Variants in MYH10 observed in about 807,000 individuals in gnomAD.
MYH10 encodes myosin-10.
A neutral mutation model predicts 257.8 loss-of-function variants in MYH10; 55 were observed. The observed-to-expected ratio is 0.21, with a 90% CI of 0.17 to 0.27. The LOEUF is 0.27. Ranked by LOEUF, MYH10 falls within the 10% of genes least tolerant of loss-of-function variation. MYH10 has a pLI of 1.00. For missense variants in MYH10, 1,631 were observed against 2,500.6 expected (o/e 0.65, Z 7.42); for synonymous variants, 854 against 921.7 (o/e 0.93, Z 1.33).
chr17:8,495,910 C>T (rs1916531149), intron 30 of MYH10, among the ~76,000 whole-genome samples: 1 of 152,040 alleles, frequency 6.6e-6, no homozygotes, highest in South Asian at 2.1e-4. Context: ...GGGGTTTCAC[C>T]ATGTTGGCCA....
chr17:8,618,940 G>A (rs2152102604), intron 2 of MYH10, among the ~76,000 whole-genome samples: 1 of 152,256 alleles, frequency 6.6e-6, no homozygotes, highest in African/African-American at 2.4e-5. Flanking sequence ...GAAGTGACAG[G>A]CTCGTTTTGT....
chr17:8,544,954 C>T (rs1490067222), intron 13 of MYH10, among the ~76,000 whole-genome samples: 1 of 152,232 alleles, frequency 6.6e-6, no homozygotes, highest in Middle Eastern at 3.2e-3. Context: ...AAGCCCCCGT[C>T]ATCTTGCCCG....
chr17:8,558,264 A>C (rs1261152320), intron 7 of MYH10, among the ~76,000 whole-genome samples: 1 of 152,178 alleles, frequency 6.6e-6, no homozygotes, highest in Non-Finnish European at 1.5e-5. Flanking sequence ...CCCCAAACTT[A>C]AGATGAACAC....
At chr17:8,491,162 T>C (rs1242100749) in intron 34 of MYH10, among the ~76,000 whole-genome samples, 1 of 21,464 alleles carries the variant, frequency 4.7e-5, no homozygotes, top group African/African-American at 5.9e-5. Flanking sequence ...GCCTTGGTGC[T>C]GCTGTGCACC....
intron 2 of MYH10, 36 bp downstream of exon 2, chr17:8,622,866 T>C: frequency 6.3e-7 from 1 of 1,597,582 alleles, no homozygotes; most frequent in Admixed American, 1.7e-5. Flanking sequence ...AATTCCTAGC[T>C]ACCACTTCAC....
chr17:8,539,143 C>T (rs1235295936), intron 14 of MYH10, among the ~76,000 whole-genome samples: 1 of 152,138 alleles, frequency 6.6e-6, no homozygotes, highest in Non-Finnish European at 1.5e-5. Context: ...AATGCAGCTC[C>T]TAGACCTGGG....
intron 11 of MYH10, 76 bp downstream of exon 11, chr17:8,548,237 G>A (rs962266105): frequency 2.2e-5 from 25 of 1,116,508 alleles, no homozygotes; most frequent in African/African-American, 1.3e-4. Context: ...GTGCTTTTAC[G>A]CTTGCACTGT....
intron 6 of MYH10, among the ~76,000 whole-genome samples, chr17:8,575,667 A>G (rs931596726): frequency 6.6e-6 from 1 of 152,182 alleles, no homozygotes; most frequent in Non-Finnish European, 1.5e-5. Flanking sequence ...ATATTAACAG[A>G]TCATTTCCAT....
chr17:8,493,816 TCTC>T lies in MYH10; in HGVS notation c.4123_4125del (p.Glu1375del). 3 of 1,613,770 alleles carry T rather than the reference TCTC, an allele frequency of 1.9e-6. No homozygotes were observed. The highest frequency in any genetic ancestry group is 2.2e-5 in the East Asian group (1 of 44,860). The stretch of plus-strand genomic sequence containing the variant: ...TCCTGCTGCTCCTGAAGACTGTTCT[TCTC>T]CTCTTCCAGCTGCCGGATCCGACTG... On this transcript the variant is annotated inframe_deletion, in exon 32 of 43. Coordinates refer to ENST00000360416, the MANE Select transcript of MYH10 (RefSeq NM_001256012.3).
In MYH10 at chr17:8,475,553, A is replaced by G. The variant is rs1407650819; in HGVS notation, c.*251T>C. ...TTTATAAAATGGTCTCTTGATGACT[A>G]TATGGAAAATAGATGCAATGATGAA... On this transcript the variant is annotated 3_prime_UTR_variant, in exon 43 of 43. Coordinates refer to ENST00000360416, the MANE Select transcript of MYH10 (RefSeq NM_001256012.3). 6.8e-6 allele frequency: 3 copies of G among 443,954 alleles called. No homozygotes were observed. The highest frequency in any genetic ancestry group is 1.2e-5 in the Non-Finnish European group (3 of 250,428). 27.5% of individuals were successfully genotyped at this position (443,954 alleles called of 1,614,324 possible).
chr17:8,484,002 G>A, intron 37 of MYH10, 136 bp downstream of exon 37: 2 of 726,898 alleles, frequency 2.8e-6, no homozygotes, highest in South Asian at 4.5e-5. Context: ...ATTAAAAATG[G>A]ATACTTAAAA....
chr17:8,570,852 G>A (rs1454290309), intron 6 of MYH10, among the ~76,000 whole-genome samples: 1 of 152,202 alleles, frequency 6.6e-6, no homozygotes, highest in South Asian at 2.1e-4. Flanking sequence ...GTTCTGTCAC[G>A]CCGCCCTGGT....
At position 8,546,590 on chromosome 17, in the gene MYH10, A is replaced by G. The variant is rs2082451340; in HGVS notation, c.1232T>C (p.Ile411Thr). 1 of 1,613,986 alleles carries G rather than the reference A, an allele frequency of 6.2e-7. No homozygotes were observed. The highest frequency in any genetic ancestry group is 1.7e-5 in the Admixed American group (1 of 59,992). Residue 411 changes from isoleucine to threonine, a missense_variant, in exon 12 of 43, where the codon ATC (isoleucine) becomes ACC (threonine). This residue lies in a region of MYH10 where 360 missense variants were observed against 581.9 expected (regional missense o/e 0.62). Transcript: ENST00000360416. ...TTGCACATAGTCTCGGCCGACCTTG[A>G]TCCGGGGAGTCAGGATGGCCCGAGT... ...EFTRAILTPR[I>T]KVGRDYVQKA...
intron 3 of MYH10, among the ~76,000 whole-genome samples, chr17:8,597,472 G>C (rs1297557732): frequency 1.3e-5 from 2 of 151,764 alleles, no homozygotes; most frequent in African/African-American, 2.4e-5. Context: ...AGAATAGTTA[G>C]GGTATCTCCA....
At chr17:8,541,980 T>C in intron 14 of MYH10, 127 bp downstream of exon 14, 1 of 954,418 alleles carries the variant, frequency 1.0e-6, no homozygotes, top group Non-Finnish European at 1.5e-6. Context: ...ATCACCTTCC[T>C]AGAAAATTTA....
chr17:8,598,945 G>C (rs1204858588), intron 3 of MYH10, among the ~76,000 whole-genome samples: 2 of 152,174 alleles, frequency 1.3e-5, no homozygotes, highest in African/African-American at 2.4e-5. Context: ...GAGCTCAAGT[G>C]ATCTGCCCAC....
At position 8,480,615 on chromosome 17, in the gene MYH10, G is replaced by A. The variant is rs1309380545; in HGVS notation, c.5265-90C>T. On this transcript the variant is annotated intron_variant, in intron 38 of 42. Coordinates refer to ENST00000360416, the MANE Select transcript of MYH10 (RefSeq NM_001256012.3). Reference sequence around the variant, plus strand: ...AGGCTCCTCCACCCACCCTGTTGCTGGAAACCTGAGCAGCCATCCTGAATT... The same window carrying A: ...AGGCTCCTCCACCCACCCTGTTGCTAGAAACCTGAGCAGCCATCCTGAATT... The A allele has an allele frequency of 1.3e-6, 2 of 1,540,158 alleles. 1 individual carries two copies.
rs771308535 is a variant in MYH10 at position 8,548,747 on chromosome 17, G to C, written c.960C>G (p.Leu320=). 6 of 1,613,246 alleles carry C rather than the reference G, an allele frequency of 3.7e-6. No individual in the cohort carries two copies. The African/African-American group carries it at 6.7e-5, about 18-fold the overall frequency. Residue 320 remains leucine, a synonymous_variant, in exon 10 of 43, where the codon CTC becomes CTG. Coordinates refer to ENST00000360416, the MANE Select transcript of MYH10 (RefSeq NM_001256012.3). The part of the protein sequence containing the change: ...LLEGFNNYRF[L]SNGYIPIPGQ... ...CCGGAATAGGAATATAGCCATTGGA[G>C]AGAAACCTGTAGTTATTAAATCCTT...
At chr17:8,601,597 C>G (rs1008373409) in intron 3 of MYH10, among the ~76,000 whole-genome samples, 1 of 152,188 alleles carries the variant, frequency 6.6e-6, no homozygotes. Context: ...CCATCTGATT[C>G]TTTTTGGTCT....
Sources: gnomAD v4.1 joint callset for allele counts (sites outside exome capture counted in the v4.1 genomes callset) on GRCh38, gnomAD v4.1.1 for gene constraint, gnomAD v4.1.1 regional missense constraint, MANE v1.5 for transcripts, NCBI Gene and HGNC (gene_info 2026-07-23, HGNC 2026-07-21) for gene names.